Variants in CD300C observed in about 807,000 individuals in gnomAD.
The protein encoded by CD300C is CMRF35-like molecule 6.
CD300C carries 11 observed loss-of-function variants against 18.4 expected under a neutral mutation model. That is an observed-to-expected ratio of 0.60 (90% CI 0.38 to 0.99). The LOEUF is 0.99. CD300C is among the 50% of genes least tolerant of loss of function. The pLI, the probability that CD300C is intolerant of heterozygous loss-of-function variation, is 0.01. For synonymous variants in CD300C, 116 were observed against 116.3 expected (o/e 1.00, Z 0.02); for missense variants, 277 against 287.4 (o/e 0.96, Z 0.26).
Position 74,541,519 on chromosome 17 carries a change from T to G in CD300C, c.*70A>C. The G allele has an allele frequency of 2.0e-6, 2 of 1,012,082 alleles. No individual in the cohort carries two copies. The highest frequency in any genetic ancestry group is 3.1e-6 in the Non-Finnish European group (2 of 637,148). 62.7% of individuals were successfully genotyped at this position (1,012,082 alleles called of 1,614,324 possible). A position where few individuals can be genotyped will look rare whatever the true frequency, so the allele number is the denominator to read the frequency against. ...GTGGAGAGAGCAGCCCGGGAGGGAGTGGTCAGGAGGTCATTCCAGTCCCCC... is the reference window on the plus strand; with the variant it reads ...GTGGAGAGAGCAGCCCGGGAGGGAGGGGTCAGGAGGTCATTCCAGTCCCCC... On this transcript the variant is annotated 3_prime_UTR_variant, in exon 4 of 4. Coordinates refer to ENST00000330793, the MANE Select transcript of CD300C (RefSeq NM_006678.5).
Position 74,544,826 on chromosome 17 carries a change from C to T in CD300C, c.183G>A (p.Gln61=). The T allele has an allele frequency of 1.2e-6, 2 of 1,614,232 alleles. No individual in the cohort carries two copies. Among genetic ancestry groups the T allele is most frequent in the Non-Finnish European group, 1.7e-6 (2 of 1,180,042 alleles). ...CCACAATCTTGTCACATCGGAGAAT[C>T]TGTGGTGGTCTGCACCAGAATTTGT... ...TLNKFWCRPP[Q]ILRCDKIVET... is the part of the protein sequence containing the mutation. The change falls in exon 2 of 4, where the codon CAG becomes CAA. Residue 61 remains glutamine, a synonymous_variant. Transcript: ENST00000330793.
chr17:74,543,713 C>A (rs192782136), intron 2 of CD300C, among the ~76,000 whole-genome samples: 1,604 of 152,274 alleles, frequency 0.011, 15 homozygotes, highest in Non-Finnish European at 0.017. Flanking sequence ...TCCGAGGAAC[C>A]TGGGACATTG....
downstream of CD300C, among the ~76,000 whole-genome samples, chr17:74,538,373 G>A (rs965153669): frequency 2.6e-5 from 4 of 152,188 alleles, no homozygotes; most frequent in African/African-American, 9.7e-5. Context: ...GCAGGATGTG[G>A]AGACTGCTGA....
chr17:74,545,763 G>T lies in CD300C; in HGVS notation c.20C>A (p.Ala7Asp). 6.2e-7 allele frequency: 1 copy of T among 1,609,266 alleles called. No individual in the cohort carries two copies. The highest frequency in any genetic ancestry group is 8.5e-7 in the Non-Finnish European group (1 of 1,178,250). Residue 7 changes from alanine (A) to aspartate (D), a missense_variant, in exon 1 of 4, where the codon GCC becomes GAC. Physicochemically the swap from Ala to Asp is moderately radical, Grantham distance 126 (BLOSUM62 -2). Transcript: ENST00000330793. MTARAW[A>D]SWRSSALLLL... ...GAGCAGAGCTGAAGACCGCCACGAG[G>T]CCCAGGCCCTGGCAGTCATTCCTGT...
downstream of CD300C, among the ~76,000 whole-genome samples, chr17:74,537,389 C>T (rs1433492101): frequency 6.6e-6 from 1 of 152,132 alleles, no homozygotes; most frequent in African/African-American, 2.4e-5. Context: ...CTGTGGCTCA[C>T]ACCTGTAATC....
chr17:74,537,296 C>T (rs1908410417), downstream of CD300C, among the ~76,000 whole-genome samples: 1 of 152,100 alleles, frequency 6.6e-6, no homozygotes, highest in Non-Finnish European at 1.5e-5. Flanking sequence ...AGAATGTAGA[C>T]CAATACAAAG....
In CD300C at chr17:74,545,001, G is replaced by A. The variant is rs1908704665; in HGVS notation, c.62-54C>T. 2.0e-6 allele frequency: 3 copies of A among 1,502,146 alleles called. No homozygotes were observed. The Admixed American group carries it at 5.7e-5, about 29-fold the overall frequency. The allele number at this position is 1,502,146 out of a possible 1,614,324, so 93.1% of individuals were successfully genotyped here. A position where few individuals can be genotyped will look rare whatever the true frequency, so the allele number is the denominator to read the frequency against. On this transcript the variant is annotated intron_variant, in intron 1 of 3. Transcript: ENST00000330793. ...CCTTACCAGAGGGGCCTGGTCAGGG[G>A]TGCCGCAGTGTCAGCCCCTCATGGA... is the stretch of plus-strand genomic sequence containing the variant.
chr17:74,539,387 G>A (rs1455716041), downstream of CD300C, among the ~76,000 whole-genome samples: 1 of 152,154 alleles, frequency 6.6e-6, no homozygotes, highest in Admixed American at 6.5e-5. Context: ...CCTGCCCAGT[G>A]TTCAGGTCTG....
chr17:74,537,580 G>C (rs900722321), downstream of CD300C, among the ~76,000 whole-genome samples: 1 of 149,108 alleles, frequency 6.7e-6, no homozygotes. Flanking sequence ...AGTGAGCCGA[G>C]ATCGCACCAC....
chr17:74,540,418 A>C (rs1463166858), downstream of CD300C, among the ~76,000 whole-genome samples: 1 of 151,952 alleles, frequency 6.6e-6, no homozygotes, highest in Non-Finnish European at 1.5e-5. Context: ...TCTATCCCCC[A>C]CCTGGAATAT....
downstream of CD300C, among the ~76,000 whole-genome samples, chr17:74,538,108 T>C (rs1908435000): frequency 6.6e-6 from 1 of 152,196 alleles, no homozygotes; most frequent in Admixed American, 6.5e-5. Flanking sequence ...GTGCATGTAT[T>C]CTTTTGTGTG....
At chr17:74,542,715 C>T (rs747625226) in intron 3 of CD300C, 146 bp downstream of exon 3, 27 of 953,742 alleles carry the variant, frequency 2.8e-5, no homozygotes, top group Non-Finnish European at 3.8e-5. Context: ...CCAAAAGGAG[C>T]GCCTGACACT....
rs1908596920 is a variant in CD300C at position 74,542,749 on chromosome 17, T to C, written c.527+112A>G. 11 of 1,260,090 alleles carry C rather than the reference T, an allele frequency of 8.7e-6. No individual in the cohort carries two copies. In the South Asian group the frequency reaches 1.0e-4, roughly 12 times the overall value. 78.1% of individuals were successfully genotyped at this position (1,260,090 alleles called of 1,614,324 possible). On this transcript the variant is annotated intron_variant, in intron 3 of 3. Transcript: ENST00000330793. ...CTTAATAGAACCTTCACGTTTGGTG[T>C]GGGAGGTGCGAACAAAGAAGGGACT...
At chr17:74,542,104 C>T (rs1325603511) in intron 3 of CD300C, among the ~76,000 whole-genome samples, 4 of 152,318 alleles carry the variant, frequency 2.6e-5, no homozygotes, top group South Asian at 2.1e-4. Context: ...CTGTACACAG[C>T]GTTTCCAGGA....
chr17:74,542,873 C>T lies in CD300C; in HGVS notation c.515G>A (p.Ser172Asn). Reference protein sequence around the residue: ...SVTRKDSPEPSPHPGSLFSNV... With the variant: ...SVTRKDSPEPNPHPGSLFSNV... ...GCAGGCACCTTACCCAGGGTGTGGG[C>T]TGGGTTCGGGGCTGTCCTTTCTGGT... Residue 172 changes from serine to asparagine, a missense_variant, in exon 3 of 4, where the codon AGC (serine) becomes AAC (asparagine). Transcript: ENST00000330793. 1.2e-6 allele frequency: 2 copies of T among 1,607,440 alleles called. No homozygotes were observed. The highest frequency in any genetic ancestry group is 1.7e-6 in the Non-Finnish European group (2 of 1,179,934).
the CD300C span, among the ~76,000 whole-genome samples, chr17:74,535,601 A>AG: frequency 6.6e-6 from 1 of 151,702 alleles, no homozygotes; most frequent in Admixed American, 6.6e-5. Context: ...TTAAAAGCTC[A>AG]TAAATAATTA....
chr17:74,545,957 G>A lies in CD300C; in HGVS notation c.-175C>T. 1 of 619,290 alleles carries A rather than the reference G, an allele frequency of 1.6e-6. No individual in the cohort carries two copies. Among genetic ancestry groups the A allele is most frequent in the South Asian group, 1.9e-5 (1 of 53,998 alleles). 38.4% of individuals were successfully genotyped at this position (619,290 alleles called of 1,614,324 possible). ...GGTCAGGGTACAGGAAGCTCAGGGA[G>A]AGAGCCGCCTGGGCTGAGGCCGGTG... On this transcript the variant is annotated 5_prime_UTR_variant, in exon 1 of 4. Coordinates refer to ENST00000330793, the MANE Select transcript of CD300C (RefSeq NM_006678.5).
chr17:74,543,794 C>T (rs1284890405), intron 2 of CD300C, among the ~76,000 whole-genome samples: 1 of 152,160 alleles, frequency 6.6e-6, no homozygotes, highest in African/African-American at 2.4e-5. Flanking sequence ...CAGGAGGGGG[C>T]CTTTGAGGGA....
rs1222558142 is a variant in CD300C, at chr17:74,545,961, G to C, written c.-179C>G. ...AGGGTACAGGAAGCTCAGGGAGAGA[G>C]CCGCCTGGGCTGAGGCCGGTGCTGA... On this transcript the variant is annotated 5_prime_UTR_variant, in exon 1 of 4. Transcript: ENST00000330793. The C allele has an allele frequency of 1.6e-6, 1 of 607,446 alleles. No individual in the cohort carries two copies. Among genetic ancestry groups the C allele is most frequent in the Non-Finnish European group, 3.0e-6 (1 of 338,688 alleles). 37.6% of individuals were successfully genotyped at this position (607,446 alleles called of 1,614,324 possible). A position where few individuals can be genotyped will look rare whatever the true frequency, so the allele number is the denominator to read the frequency against.
Sources: gnomAD v4.1 joint callset for allele counts (sites outside exome capture counted in the v4.1 genomes callset) on GRCh38, gnomAD v4.1.1 for gene constraint, MANE v1.5 for transcripts, NCBI Gene and HGNC (gene_info 2026-07-23, HGNC 2026-07-21) for gene names.